Variants in ENO1 observed in about 807,000 individuals in gnomAD.
ENO1 encodes alpha-enolase.
Under a neutral mutation model 46.3 loss-of-function variants are expected in ENO1, and 33 were observed. The ratio of observed to expected loss-of-function variants is 0.71; its 90% confidence interval spans 0.54 to 0.95. ENO1 has a LOEUF of 0.95. Ranked by LOEUF, ENO1 falls within the 40% of genes least tolerant of loss-of-function variation. ENO1 has a pLI of 0.00. For missense variants in ENO1, 488 were observed against 553.3 expected, an observed-to-expected ratio of 0.88 and a Z score of 1.18; for synonymous variants, 220 against 216.0, an observed-to-expected ratio of 1.02 and a Z score of -0.16.
intron 1 of ENO1, among the ~76,000 whole-genome samples, chr1:8,877,283 C>T (rs886386930): frequency 2.0e-5 from 3 of 150,692 alleles, no homozygotes; most frequent in Admixed American, 2.0e-4. Context: ...GACGGGGTTT[C>T]ACCACGTTGG....
intron 4 of ENO1, chr1:8,870,093 A>G (rs530544833): frequency 1.9e-4 from 45 of 235,224 alleles, no homozygotes; most frequent in African/African-American, 9.7e-4. Context: ...ATTATAGTAA[A>G]TAATTCCAAA....
chr1:8,866,819 A>G (rs1642528810), intron 6 of ENO1, among the ~76,000 whole-genome samples: 1 of 152,204 alleles, frequency 6.6e-6, no homozygotes, highest in Non-Finnish European at 1.5e-5. Flanking sequence ...CGCCAGGTCT[A>G]TTTTGATAAC....
intron 7 of ENO1, among the ~76,000 whole-genome samples, chr1:8,865,837 G>A (rs1248396167): frequency 3.3e-5 from 5 of 151,502 alleles, no homozygotes; most frequent in African/African-American, 1.2e-4. Flanking sequence ...CAGAAGCGGG[G>A]TCCAAGAGAA....
intron 2 of ENO1, 122 bp from the exon 3 acceptor site, chr1:8,872,108 G>A: frequency 2.6e-6 from 2 of 771,760 alleles, no homozygotes; most frequent in South Asian, 1.6e-5. Context: ...CCTACCAGCT[G>A]TGTGAATTAA....
At chr1:8,868,698 T>A (rs186649314) in intron 4 of ENO1, among the ~76,000 whole-genome samples, 2 of 151,190 alleles carry the variant, frequency 1.3e-5, no homozygotes, top group African/African-American at 4.8e-5. Flanking sequence ...TTAATTTTTA[T>A]TTTTTAAGAC....
Position 8,874,863 on chromosome 1 carries a change from C to T in ENO1, c.46G>A (p.Gly16Arg), listed in dbSNP as rs745490999. Residue 16 changes from glycine (G) to arginine (R), a missense_variant, in exon 2 of 12, where the codon GGG becomes AGG. Physicochemically the swap from Gly to Arg is moderately radical, Grantham distance 125. Transcript: ENST00000234590. ...AGATCAACCTCAACAGTGGGATTCCCGCGAGAGTCAAAGATCTCCCTGGCA... is the reference window on the plus strand; with the variant it reads ...AGATCAACCTCAACAGTGGGATTCCTGCGAGAGTCAAAGATCTCCCTGGCA... ...IHAREIFDSR[G>R]NPTVEVDLFT... 6.8e-6 allele frequency: 11 copies of T among 1,613,630 alleles called. No homozygotes were observed. The highest frequency in any genetic ancestry group is 9.3e-6 in the Non-Finnish European group (11 of 1,179,798).
At position 8,863,304 on chromosome 1, in the gene ENO1, C is replaced by T. The variant is rs1271936500; in HGVS notation, c.1107G>A (p.Val369=). 4 of 1,614,058 alleles carry T rather than the reference C, an allele frequency of 2.5e-6. No homozygotes were observed. Among genetic ancestry groups the T allele is most frequent in the Non-Finnish European group, 3.4e-6 (4 of 1,180,024 alleles). Residue 369 remains valine (V), a synonymous_variant, in exon 10 of 12, where the codon GTG becomes GTA. Transcript: ENST00000234590. ...CTTCAGTCTCCCCCGAACGATGAGACACCATGACGCCCCAACCATTGGCCT... is the reference window on the plus strand; with the variant it reads ...CTTCAGTCTCCCCCGAACGATGAGATACCATGACGCCCCAACCATTGGCCT... The part of the protein sequence containing the change: ...LAQANGWGVM[V]SHRSGETEDT...
At chr1:8,874,673 TCA>T (rs1054557663) in intron 2 of ENO1, 149 bp downstream of exon 2, 20 of 411,580 alleles carry the variant, frequency 4.9e-5, no homozygotes, top group African/African-American at 1.7e-4. Flanking sequence ...TCCCCAACCC[TCA>T]CAGTCAGGAA....
rs746309963 is a variant in ENO1 at position 8,866,423 on chromosome 1, C to T, written c.523G>A (p.Ala175Thr). Reference sequence around the variant, plus strand: ...CGCATGGCTTCCCTGAAGTTTGCTGCACCGACTGGGAGGATCATGAACTCC... The same window carrying T: ...CGCATGGCTTCCCTGAAGTTTGCTGTACCGACTGGGAGGATCATGAACTCC... ...MQEFMILPVG[A>T]ANFREAMRIG... The change falls in exon 7 of 12, where the codon GCA becomes ACA. Residue 175 changes from alanine to threonine, a missense_variant. Coordinates refer to ENST00000234590, the MANE Select transcript of ENO1 (RefSeq NM_001428.5). 9.9e-6 allele frequency: 16 copies of T among 1,614,118 alleles called. No individual in the cohort carries two copies. In the East Asian group the frequency reaches 3.3e-4, roughly 34 times the overall value.
intron 1 of ENO1, among the ~76,000 whole-genome samples, chr1:8,875,600 T>C (rs530600091): frequency 2.0e-5 from 3 of 152,326 alleles, no homozygotes; most frequent in African/African-American, 7.2e-5. Flanking sequence ...TGGACATAAT[T>C]CTTCAGATTA....
Position 8,867,238 on chromosome 1 carries a change from G to A in ENO1, c.323C>T (p.Ala108Val), listed in dbSNP as rs1040788874. The A allele has an allele frequency of 4.3e-6, 7 of 1,614,006 alleles. No homozygotes were observed. Among genetic ancestry groups the A allele is most frequent in the Admixed American group, 1.7e-5 (1 of 59,986 alleles). Residue 108 changes from alanine (A) to valine (V), a missense_variant, in exon 6 of 12, where the codon GCG becomes GTG. Ala to Val is a moderately conservative substitution (Grantham distance 64). Transcript: ENST00000234590. Reference sequence around the variant, plus strand: ...AAGGGACACCCCCAGAATGGCGTTCGCACCAAACTTAGCTAGAACAGAAGA... The same window carrying A: ...AAGGGACACCCCCAGAATGGCGTTCACACCAAACTTAGCTAGAACAGAAGA... ...DGTENKSKFG[A>V]NAILGVSLAV...
At position 8,864,084 on chromosome 1, in the gene ENO1, T is replaced by TAA. The variant is rs1316676880; in HGVS notation, c.873_874insTT (p.Ile292LeufsTer25). 2.5e-6 allele frequency: 4 copies of TAA among 1,613,906 alleles called. No individual in the cohort carries two copies. The highest frequency in any genetic ancestry group is 3.4e-6 in the Non-Finnish European group (4 of 1,180,006). The stretch of plus-strand genomic sequence containing the variant: ...TCATCCTGGTCAAAGGGATCTTCGA[T>TAA]AGACACCACTAAGGAAAGGAGGGAC... On this transcript the variant is annotated frameshift_variant, in exon 9 of 12. Transcript: ENST00000234590. LOFTEE classifies it high-confidence loss of function.
chr1:8,867,191 C>T lies in ENO1; in HGVS notation c.370G>A (p.Val124Ile), dbSNP rs11544519. 2.0e-5 allele frequency: 32 copies of T among 1,614,096 alleles called. No individual in the cohort carries two copies. The highest frequency in any genetic ancestry group is 1.0e-4 in the Admixed American group (6 of 60,004). Residue 124 changes from valine (V) to isoleucine (I), a missense_variant, in exon 6 of 12, where the codon GTT becomes ATT. By Grantham distance (29) the Val-to-Ile change is conservative. Transcript: ENST00000234590. Reference protein sequence around the residue: ...VSLAVCKAGAVEKGVPLYRHI... With the variant: ...VSLAVCKAGAIEKGVPLYRHI... ...CGGTACAGGGGGACCCCCTTCTCAA[C>T]GGCACCAGCTTTGCAGACGGCAAGG...
At chr1:8,871,789 A>C in intron 3 of ENO1, 102 bp downstream of exon 3, 1 of 1,375,256 alleles carries the variant, frequency 7.3e-7, no homozygotes, top group Non-Finnish European at 1.0e-6. Flanking sequence ...TACCTGCCAT[A>C]AACCTGCAAG....
chr1:8,861,566 T>C (rs1000533487), intron 11 of ENO1, 137 bp from the exon 12 acceptor site: 2 of 796,250 alleles, frequency 2.5e-6, no homozygotes, highest in Non-Finnish European at 4.0e-6. Context: ...CTCTCCAGTT[T>C]GTCCACCTTC....
At chr1:8,871,667 G>A (rs1642635304) in intron 3 of ENO1, 1 of 1,349,002 alleles carries the variant, frequency 7.4e-7, no homozygotes, top group African/African-American at 1.5e-5. Flanking sequence ...AGCAAGCATT[G>A]GAACTCTCGA....
In ENO1 at chr1:8,871,972, C is replaced by G. The variant is rs1458497486; in HGVS notation, c.100G>C (p.Ala34Pro). The change falls in exon 3 of 12, where the codon GCT becomes CCT. Residue 34 changes from alanine to proline, a missense_variant. Transcript: ENST00000234590. ...LFTSKGLFRA[A>P]VPSGASTGIY... is the part of the protein sequence containing the mutation. ...CCAGTTGAAGCACCACTGGGCACAG[C>G]AGCTCTGAAGAGACCTGGATGAGAG... The G allele has an allele frequency of 1.2e-6, 2 of 1,614,014 alleles. No individual in the cohort carries two copies. The highest frequency in any genetic ancestry group is 1.3e-5 in the African/African-American group (1 of 74,936).
At position 8,865,271 on chromosome 1, in the gene ENO1, C is replaced by A; in HGVS notation, c.865+14G>T. ...AGTGGCAGGAAAGGGAGATGGCACT[C>A]GGGGAACACTCACCTGGGTAGTCCT... On this transcript the variant is annotated intron_variant, in intron 8 of 11. Coordinates refer to ENST00000234590, the MANE Select transcript of ENO1 (RefSeq NM_001428.5). 1 of 1,613,158 alleles carries A rather than the reference C, an allele frequency of 6.2e-7. No homozygotes were observed. Among genetic ancestry groups the A allele is most frequent in the Non-Finnish European group, 8.5e-7 (1 of 1,179,284 alleles).
At position 8,867,969 on chromosome 1, in the gene ENO1, G is replaced by A. The variant is rs1228172074; in HGVS notation, c.310+19C>T. 3 of 1,610,558 alleles carry A rather than the reference G, an allele frequency of 1.9e-6. No homozygotes were observed. Among genetic ancestry groups the A allele is most frequent in the South Asian group, 2.2e-5 (2 of 90,834 alleles). ...CTTCATGATCTTCCCCAGTAAAGAC[G>A]CCACCTCAGGCCACTCACATTTATT... is the stretch of plus-strand genomic sequence containing the variant. On this transcript the variant is annotated intron_variant, in intron 5 of 11. Coordinates refer to ENST00000234590, the MANE Select transcript of ENO1 (RefSeq NM_001428.5).
Sources: allele counts gnomAD v4.1 joint callset (sites outside exome capture counted in the v4.1 genomes callset), GRCh38; gene constraint gnomAD v4.1.1; transcripts MANE v1.5; gene names NCBI Gene and HGNC (gene_info 2026-07-23, HGNC 2026-07-21).